Variants in KHDRBS2 observed in about 807,000 individuals in gnomAD.
The protein encoded by KHDRBS2 is KH RNA binding domain containing, signal transduction associated 2, also known as KH domain-containing, RNA-binding, signal transduction-associated protein 2.
Under a neutral mutation model 44.3 loss-of-function variants are expected in KHDRBS2, and 26 were observed. The ratio of observed to expected loss-of-function variants is 0.59; its 90% CI spans 0.43 to 0.81. The LOEUF (loss-of-function observed/expected upper bound fraction) is 0.81, where lower values mean the gene tolerates loss of function less well. KHDRBS2 is among the 40% of genes least tolerant of loss of function. The pLI, the probability that KHDRBS2 is intolerant of heterozygous loss-of-function variation, is 0.00. For missense variants in KHDRBS2, 476 were observed against 433.1 expected, an observed-to-expected ratio of 1.10 and a Z score of -0.88; for synonymous variants, 194 against 151.1, an observed-to-expected ratio of 1.28 and a Z score of -2.08.
At chr6:62,009,329 T>C (rs1241020582) in intron 3 of KHDRBS2, among the ~76,000 whole-genome samples, 2 of 152,208 alleles carry the variant, frequency 1.3e-5, no homozygotes, top group East Asian at 3.8e-4. Flanking sequence ...AAGAAATTTC[T>C]AATCAGCAAA....
chr6:62,254,463 A>G (rs1002432902), intron 1 of KHDRBS2, among the ~76,000 whole-genome samples: 9 of 152,072 alleles, frequency 5.9e-5, no homozygotes, highest in African/African-American at 2.2e-4. Context: ...TGAGGAGGTT[A>G]CTTGATTTAT....
chr6:61,914,361 C>A (rs1349699329), intron 4 of KHDRBS2, among the ~76,000 whole-genome samples: 1 of 152,060 alleles, frequency 6.6e-6, no homozygotes, highest in East Asian at 1.9e-4. Flanking sequence ...TTCTCTATCT[C>A]TAATTTTAGA....
chr6:61,935,075 A>T (rs1810783507), intron 4 of KHDRBS2, among the ~76,000 whole-genome samples: 1 of 152,144 alleles, frequency 6.6e-6, no homozygotes, highest in South Asian at 2.1e-4. Flanking sequence ...GATGAAGGGG[A>T]GTCAAACTTG....
chr6:62,127,895 T>C (rs567722040), intron 2 of KHDRBS2, among the ~76,000 whole-genome samples: 3 of 152,278 alleles, frequency 2.0e-5, no homozygotes, highest in South Asian at 4.1e-4. Flanking sequence ...TATTCAATCA[T>C]GCAATTATCA....
the KHDRBS2 span, among the ~76,000 whole-genome samples, chr6:61,544,560 T>C: frequency 1.3e-5 from 2 of 152,208 alleles, no homozygotes; most frequent in South Asian, 2.1e-4. Context: ...CTGGGGAAAG[T>C]GGTAGGGAAG....
chr6:61,663,576 C>T, the KHDRBS2 span, among the ~76,000 whole-genome samples: 2 of 119,966 alleles, frequency 1.7e-5, no homozygotes, highest in East Asian at 2.7e-4. Flanking sequence ...CTTGGGCAAG[C>T]TTCTGACTAC....
chr6:61,587,120 G>A, the KHDRBS2 span, among the ~76,000 whole-genome samples: 2 of 152,172 alleles, frequency 1.3e-5, no homozygotes, highest in Admixed American at 1.3e-4. Context: ...ACTCTGTGCT[G>A]CTTATCACTC....
chr6:62,113,934 A>G (rs953752619), intron 2 of KHDRBS2, among the ~76,000 whole-genome samples: 1 of 152,084 alleles, frequency 6.6e-6, no homozygotes, highest in Non-Finnish European at 1.5e-5. Context: ...GTTTTAACTG[A>G]CTCACAGTTC....
the KHDRBS2 span, among the ~76,000 whole-genome samples, chr6:61,668,467 A>G: frequency 1.3e-5 from 2 of 151,222 alleles, no homozygotes; most frequent in Admixed American, 1.3e-4. Flanking sequence ...GGTCTAAGAA[A>G]GTAATTATTC....
chr6:61,571,325 G>C, the KHDRBS2 span, among the ~76,000 whole-genome samples: 89,649 of 151,656 alleles, frequency 0.59, 26,683 homozygotes, highest in Non-Finnish European at 0.61. Context: ...AAGACAAAAA[G>C]GGACATTATA....
chr6:62,141,916 C>T (rs1300858483), intron 2 of KHDRBS2, among the ~76,000 whole-genome samples: 2 of 151,932 alleles, frequency 1.3e-5, no homozygotes, highest in African/African-American at 4.8e-5. Flanking sequence ...TAAAAATATG[C>T]CTTTCCTAAG....
At chr6:61,887,280 T>C (rs1407087589) in intron 6 of KHDRBS2, among the ~76,000 whole-genome samples, 1 of 152,232 alleles carries the variant, frequency 6.6e-6, no homozygotes, top group African/African-American at 2.4e-5. Flanking sequence ...TTTTAATTTA[T>C]TCTCTTTTAA....
At chr6:62,004,279 G>C (rs1778809001) in intron 3 of KHDRBS2, among the ~76,000 whole-genome samples, 1 of 152,032 alleles carries the variant, frequency 6.6e-6, no homozygotes, top group Admixed American at 6.6e-5. Flanking sequence ...GAAGAAAAGA[G>C]AGAGGAATCA....
chr6:61,725,242 A>G (rs1773369163), intron 7 of KHDRBS2, among the ~76,000 whole-genome samples: 1 of 152,160 alleles, frequency 6.6e-6, no homozygotes, highest in Non-Finnish European at 1.5e-5. Flanking sequence ...GTTTTTTGAA[A>G]CTAATTAGAA....
At chr6:62,137,949 C>A (rs1811925334) in intron 2 of KHDRBS2, among the ~76,000 whole-genome samples, 1 of 152,162 alleles carries the variant, frequency 6.6e-6, no homozygotes, top group Non-Finnish European at 1.5e-5. Flanking sequence ...CAAAATTTCA[C>A]AATGTGCTGT....
At chr6:62,042,381 C>G (rs1786716812) in intron 3 of KHDRBS2, among the ~76,000 whole-genome samples, 1 of 152,068 alleles carries the variant, frequency 6.6e-6, no homozygotes, top group South Asian at 2.1e-4. Flanking sequence ...GAAGGCCAGT[C>G]AAGAAAGAAA....
chr6:61,563,936 G>A, the KHDRBS2 span, among the ~76,000 whole-genome samples: 10 of 152,148 alleles, frequency 6.6e-5, no homozygotes, highest in South Asian at 1.4e-3. Flanking sequence ...AGCAATAGAG[G>A]AATGAGAGTC....
At chr6:62,186,276 G>A (rs1410078580) in intron 1 of KHDRBS2, among the ~76,000 whole-genome samples, 1 of 152,110 alleles carries the variant, frequency 6.6e-6, no homozygotes, top group Non-Finnish European at 1.5e-5. Context: ...TAAAACGGCT[G>A]TAAGGATTAA....
chr6:62,247,478 C>G (rs905276857), intron 1 of KHDRBS2, among the ~76,000 whole-genome samples: 60 of 152,016 alleles, frequency 3.9e-4, no homozygotes, highest in Middle Eastern at 6.8e-3. Flanking sequence ...CAGAATTGTA[C>G]TAAAGTAACA....
Sources: allele counts gnomAD v4.1 joint callset (sites outside exome capture counted in the v4.1 genomes callset), GRCh38; gene constraint gnomAD v4.1.1; transcripts MANE v1.5; gene names NCBI Gene and HGNC (gene_info 2026-07-23, HGNC 2026-07-21).